The following ISLR variants were observed in gnomAD, a reference collection of about 807,000 sequenced individuals.
ISLR encodes the protein immunoglobulin superfamily containing leucine rich repeat.
A neutral mutation model predicts 11.0 loss-of-function variants in ISLR; 9 were observed. The ratio of observed to expected loss-of-function variants is 0.82; its 90% CI spans 0.49 to 1.43. The LOEUF (loss-of-function observed/expected upper bound fraction) is 1.43, where lower values mean the gene tolerates loss of function less well. ISLR is among the 40% of genes most tolerant of loss of function. The probability of loss-of-function intolerance (pLI) is 0.00; values close to 1 mark genes in which losing one functional copy is unlikely to be tolerated. For missense variants in ISLR, 510 were observed against 576.4 expected (o/e 0.88, Z 1.18); for synonymous variants, 262 against 264.1 (o/e 0.99, Z 0.08).
intron 1 of ISLR, 64 bp from the exon 2 acceptor site, chr15:74,174,787 T>G (rs1383659669): frequency 7.7e-7 from 1 of 1,307,184 alleles, no homozygotes; most frequent in East Asian, 2.4e-5. Flanking sequence ...GCTGGGCTTG[T>G]GGGAGGAATG....
chr15:74,174,619 T>A (rs1595814029), intron 1 of ISLR: 1 of 456,792 alleles, frequency 2.2e-6, no homozygotes, highest in Non-Finnish European at 3.8e-6. Context: ...TCCTCTTCCA[T>A]CCCGTCTTCA....
Position 74,176,271 on chromosome 15 carries a change from T to A in ISLR, c.*126T>A. ...GACTTCACATTTTCCTACCTCTCCT[T>A]CTAATCTCTTCTAGAGCACCTGCTA... On this transcript the variant is annotated 3_prime_UTR_variant, in exon 2 of 2. Transcript: ENST00000249842. 2.9e-6 allele frequency: 2 copies of A among 698,406 alleles called. No homozygotes were observed. Among genetic ancestry groups the A allele is most frequent in the Admixed American group, 3.2e-5 (1 of 31,244 alleles). The allele number at this position is 698,406 out of a possible 1,614,324, so 43.3% of individuals were successfully genotyped here.
chr15:74,174,821 A>T, intron 1 of ISLR, 30 bp from the exon 2 acceptor site: 1 of 1,486,498 alleles, frequency 6.7e-7, no homozygotes, highest in Non-Finnish European at 8.9e-7. Flanking sequence ...GGTTCTCGGG[A>T]TCCCCTGGGT....
At chr15:74,174,796 T>C in intron 1 of ISLR, 55 bp from the exon 2 acceptor site, 6 of 1,370,742 alleles carry the variant, frequency 4.4e-6, no homozygotes, top group Non-Finnish European at 5.8e-6. Context: ...GTGGGAGGAA[T>C]GAGTCCCTTT....
rs8027469 is a variant in ISLR at position 74,176,659 on chromosome 15, T to C, written c.*514T>C. On this transcript the variant is annotated 3_prime_UTR_variant, in exon 2 of 2. Transcript: ENST00000249842. ...CCTGCTCCTTGCTGTTTTCTGATGA[T>C]TTGGGGGCTTGGGAGTCCCTTTGTC... The C allele has an allele frequency of 3.2e-3, 551 of 169,822 alleles. 2 individuals carry two copies. Among genetic ancestry groups the C allele is most frequent in the African/African-American group, 0.013 (524 of 41,626 alleles). The allele number at this position is 169,822 out of a possible 1,614,324, so 10.5% of individuals were successfully genotyped here. A position where few individuals can be genotyped will look rare whatever the true frequency, so the allele number is the denominator to read the frequency against.
At chr15:74,174,494 A>C in intron 1 of ISLR, 2 of 90,088 alleles carry the variant, frequency 2.2e-5, no homozygotes, top group Non-Finnish European at 3.9e-5. Context: ...GGGCAGGGGG[A>C]GGTTCTGCAA....
chr15:74,175,596 G>A lies in ISLR; in HGVS notation c.738G>A (p.Glu246=), dbSNP rs1373891298. 2 of 1,613,562 alleles carry A rather than the reference G, an allele frequency of 1.2e-6. No homozygotes were observed. Among genetic ancestry groups the A allele is most frequent in the African/African-American group, 2.7e-5 (2 of 74,926 alleles). Residue 246 remains glutamate (E), a synonymous_variant, in exon 2 of 2, where the codon GAG becomes GAA. Transcript: ENST00000249842. This position sits in a 1 kb window ranked among gnomAD's most constrained non-coding sequence, Gnocchi z 4.7. ...ACCAACCCAGCCAGGATGGTGCCGA[G>A]CTGCGGCCTGGTTTTGTGCTGGCAC... The part of the protein sequence containing the change: ...LSYQPSQDGA[E]LRPGFVLALH...
In ISLR at chr15:74,174,940, A is replaced by G; in HGVS notation, c.82A>G (p.Lys28Glu). The part of the protein sequence containing the change: ...ACPEPCDCGE[K>E]YGFQIADCAY... Reference sequence around the variant, plus strand: ...CCCTGAGCCCTGCGACTGTGGGGAAAAGTATGGCTTCCAGATCGCCGACTG... The same window carrying G: ...CCCTGAGCCCTGCGACTGTGGGGAAGAGTATGGCTTCCAGATCGCCGACTG... The change falls in exon 2 of 2, where the codon AAG becomes GAG. Residue 28 changes from lysine to glutamate, a missense_variant. Lys to Glu is a moderately conservative substitution (Grantham distance 56). Coordinates refer to ENST00000249842, the MANE Select transcript of ISLR (RefSeq NM_005545.4). 6.2e-7 allele frequency: 1 copy of G among 1,608,716 alleles called. No homozygotes were observed. Among genetic ancestry groups the G allele is most frequent in the African/African-American group, 1.3e-5 (1 of 74,782 alleles).
Position 74,176,003 on chromosome 15 carries a change from A to G in ISLR, c.1145A>G (p.Glu382Gly). 2.5e-6 allele frequency: 4 copies of G among 1,613,350 alleles called. No individual in the cohort carries two copies. The highest frequency in any genetic ancestry group is 3.4e-6 in the Non-Finnish European group (4 of 1,179,542). ...AACGAGGTGCAGCCATCAGGGCCGG[A>G]GGACAATGTGGTCATCATCTACCTC... ...VDNEVQPSGP[E>G]DNVVIIYLSR... Residue 382 changes from glutamate (E) to glycine (G), a missense_variant, in exon 2 of 2, where the codon GAG becomes GGG. Coordinates refer to ENST00000249842, the MANE Select transcript of ISLR (RefSeq NM_005545.4).
intron 1 of ISLR, 48 bp downstream of exon 1, chr15:74,174,067 GGCCT>G (rs2072765342): frequency 6.5e-6 from 1 of 152,920 alleles, no homozygotes. Context: ...GGGAGCGGGA[GGCCT>G]GTTGGACATA....
Position 74,175,462 on chromosome 15 carries a change from A to C in ISLR, c.604A>C (p.Ile202Leu). 1 of 1,611,120 alleles carries C rather than the reference A, an allele frequency of 6.2e-7. No individual in the cohort carries two copies. Among genetic ancestry groups the C allele is most frequent in the Non-Finnish European group, 8.5e-7 (1 of 1,179,960 alleles). The change falls in exon 2 of 2, where the codon ATC (isoleucine) becomes CTC (leucine). Residue 202 changes from isoleucine to leucine, a missense_variant. Physicochemically the swap from Ile to Leu is conservative, Grantham distance 5. Coordinates refer to ENST00000249842, the MANE Select transcript of ISLR (RefSeq NM_005545.4). The surrounding 1 kb of genome is among the most constrained non-coding windows in gnomAD (Gnocchi z 4.7). ...KTWALTTAVS[I>L]PEQDNIACTS... ...ATGGGCCCTGACCACGGCCGTGTCC[A>C]TCCCGGAGCAGGACAACATCGCCTG...
At chr15:74,174,828 G>A (rs2072772369) in intron 1 of ISLR, 23 bp from the exon 2 acceptor site, 1 of 1,499,958 alleles carries the variant, frequency 6.7e-7, no homozygotes. Context: ...GGGATCCCCT[G>A]GGTGACATGC....
rs145118624 is a variant in ISLR, at chr15:74,175,961, G to A, written c.1103G>A (p.Gly368Asp). 5.6e-6 allele frequency: 9 copies of A among 1,611,084 alleles called. No individual in the cohort carries two copies. The highest frequency in any genetic ancestry group is 7.6e-6 in the Non-Finnish European group (9 of 1,178,020). The change falls in exon 2 of 2, where the codon GGC becomes GAC. Residue 368 changes from glycine (G) to aspartate (D), a missense_variant. Physicochemically the swap from Gly to Asp is moderately conservative, Grantham distance 94 (BLOSUM62 -1). Coordinates refer to ENST00000249842, the MANE Select transcript of ISLR (RefSeq NM_005545.4). The surrounding 1 kb of genome is among the most constrained non-coding windows in gnomAD (Gnocchi z 4.7). Reference protein sequence around the residue: ...RFHGKAVEGKGCYTVDNEVQP... With the variant: ...RFHGKAVEGKDCYTVDNEVQP... ...CATGGCAAAGCGGTTGAGGGAAAGG[G>A]CTGCTATACGGTTGACAACGAGGTG...
Position 74,175,992 on chromosome 15 carries a change from A to G in ISLR, c.1134A>G (p.Pro378=). 6.2e-7 allele frequency: 1 copy of G among 1,612,894 alleles called. No homozygotes were observed. The highest frequency in any genetic ancestry group is 1.1e-5 in the South Asian group (1 of 90,948). The change falls in exon 2 of 2, where the codon CCA becomes CCG. Residue 378 remains proline, a synonymous_variant. Coordinates refer to ENST00000249842, the MANE Select transcript of ISLR (RefSeq NM_005545.4). This position sits in a 1 kb window ranked among gnomAD's most constrained non-coding sequence, Gnocchi z 4.7. ...ATACGGTTGACAACGAGGTGCAGCC[A>G]TCAGGGCCGGAGGACAATGTGGTCA... ...GCYTVDNEVQ[P]SGPEDNVVII...
rs1206213230 is a variant in ISLR, at chr15:74,176,375, T to G, written c.*230T>G. On this transcript the variant is annotated 3_prime_UTR_variant, in exon 2 of 2. Transcript: ENST00000249842. ...CTAACTCACTGTCTGCGGTGCTCAT[T>G]GCTGCTAACAGCATTGCCTGTGCTC... The G allele has an allele frequency of 8.3e-6, 4 of 480,578 alleles. No homozygotes were observed. The highest frequency in any genetic ancestry group is 7.9e-5 in the African/African-American group (4 of 50,888). 29.8% of individuals were successfully genotyped at this position (480,578 alleles called of 1,614,324 possible).
chr15:74,174,788 G>A, intron 1 of ISLR, 63 bp from the exon 2 acceptor site: 2 of 1,314,830 alleles, frequency 1.5e-6, no homozygotes, highest in Non-Finnish European at 2.0e-6. Flanking sequence ...CTGGGCTTGT[G>A]GGAGGAATGA....
chr15:74,174,590 C>G (rs542909463), intron 1 of ISLR: 1 of 406,934 alleles, frequency 2.5e-6, no homozygotes, highest in South Asian at 7.8e-5. Flanking sequence ...GAACTCTCCA[C>G]TCGGAGGAGG....
rs780573278 is a variant in ISLR, at chr15:74,174,926, G to T, written c.68G>T (p.Cys23Phe). 1.9e-6 allele frequency: 3 copies of T among 1,601,564 alleles called. No individual in the cohort carries two copies. The South Asian group carries it at 3.4e-5, about 18-fold the overall frequency. The change falls in exon 2 of 2, where the codon TGC (cysteine) becomes TTC (phenylalanine). Residue 23 changes from cysteine (C) to phenylalanine (F), a missense_variant. Cys to Phe is a radical substitution (Grantham distance 205). Transcript: ENST00000249842. ...CTGGCTCAGGCCTGCCCTGAGCCCT[G>T]CGACTGTGGGGAAAAGTATGGCTTC... ...LGLAQACPEP[C>F]DCGEKYGFQI...
Position 74,175,603 on chromosome 15 carries a change from C to A in ISLR, c.745C>A (p.Pro249Thr). 1 of 1,613,858 alleles carries A rather than the reference C, an allele frequency of 6.2e-7. No homozygotes were observed. The highest frequency in any genetic ancestry group is 1.6e-4 in the Middle Eastern group (1 of 6,062). ...CAGCCAGGATGGTGCCGAGCTGCGG[C>A]CTGGTTTTGTGCTGGCACTGCACTG... is the stretch of plus-strand genomic sequence containing the variant. ...QPSQDGAELR[P>T]GFVLALHCDV... The change falls in exon 2 of 2, where the codon CCT becomes ACT. Residue 249 changes from proline to threonine, a missense_variant. By Grantham distance (38) the Pro-to-Thr change is conservative (BLOSUM62 -1). Transcript: ENST00000249842. The surrounding 1 kb of genome is among the most constrained non-coding windows in gnomAD (Gnocchi z 4.7).
Sources: gnomAD v4.1 joint callset for allele counts on GRCh38, gnomAD v4.1.1 for gene constraint, Gnocchi (gnomAD v3.1) non-coding constraint, MANE v1.5 for transcripts, NCBI Gene and HGNC (gene_info 2026-07-23, HGNC 2026-07-21) for gene names.